Variants in ZNF22 observed in about 807,000 individuals in gnomAD.
ZNF22 encodes zinc finger protein 22.
In ZNF22, 15 loss-of-function variants were observed where a neutral mutation model predicts 17.0. That is an observed-to-expected ratio of 0.88 (90% CI 0.59 to 1.36). ZNF22 has a LOEUF of 1.36. ZNF22 is among the 40% of genes most tolerant of loss of function. The probability of loss-of-function intolerance (pLI) is 0.00; values close to 1 mark genes in which losing one functional copy is unlikely to be tolerated. For synonymous variants in ZNF22, 84 were observed against 90.7 expected (o/e 0.93, Z 0.42); for missense variants, 272 against 276.1 (o/e 0.98, Z 0.11).
In ZNF22 at chr10:45,001,602, A is replaced by G. The variant is rs547181181; in HGVS notation, c.-90+624A>G. 5.6e-4 allele frequency among the ~76,000 whole-genome samples: 86 copies of G among 152,316 alleles called. 1 individual carries two copies. In the South Asian group the frequency reaches 0.018, roughly 32 times the overall value. On this transcript the variant is annotated intron_variant, in intron 1 of 1. Transcript: ENST00000298299. ...CTGAGCAATGGAAGATGTGGCTGCC[A>G]CTAAGAGTACAGGCTCTGGAGTCAA...
At position 45,001,050 on chromosome 10, in the gene ZNF22, G is replaced by A. The variant is rs140805641; in HGVS notation, c.-90+72G>A. 1,135 of 197,820 alleles carry A rather than the reference G, an allele frequency of 5.7e-3. 5 individuals carry two copies. Among genetic ancestry groups the A allele is most frequent in the Non-Finnish European group, 9.4e-3 (1,011 of 107,256 alleles). 12.3% of individuals were successfully genotyped at this position (197,820 alleles called of 1,614,324 possible). On this transcript the variant is annotated intron_variant, in intron 1 of 1. Transcript: ENST00000298299. The stretch of plus-strand genomic sequence containing the variant: ...ACTCGGGTCCGCTCGGGAGCGCGCT[G>A]GCCGCAACGAGGGCGGCGCGGGCCC...
In ZNF22 at chr10:45,003,280, A is replaced by G. The variant is rs954852804; in HGVS notation, c.-89A>G. On this transcript the variant is annotated splice_region_variant and 5_prime_UTR_variant, in exon 2 of 2. Coordinates refer to ENST00000298299, the MANE Select transcript of ZNF22 (RefSeq NM_006963.5). ...AAATTTTTTTTCCTTCTACACACAG[A>G]AAATTCTGAGCTGTACACCTCTAGG... 7.5e-7 allele frequency: 1 copy of G among 1,333,538 alleles called. No individual in the cohort carries two copies. Among genetic ancestry groups the G allele is most frequent in the Non-Finnish European group, 1.0e-6 (1 of 993,196 alleles). 82.6% of individuals were successfully genotyped at this position (1,333,538 alleles called of 1,614,324 possible).
At position 45,003,436 on chromosome 10, in the gene ZNF22, A is replaced by G. The variant is rs367887787; in HGVS notation, c.68A>G (p.Lys23Arg). The change falls in exon 2 of 2, where the codon AAG becomes AGG. Residue 23 changes from lysine to arginine, a missense_variant. By Grantham distance (26) the Lys-to-Arg change is conservative. Transcript: ENST00000298299. Reference sequence around the variant, plus strand: ...AGCCAAGGAAAGGCCTATGAGAACAAGCGCAAAACAGGCCGGCAGCGGCAG... The same window carrying G: ...AGCCAAGGAAAGGCCTATGAGAACAGGCGCAAAACAGGCCGGCAGCGGCAG... ...SSSQGKAYENKRKTGRQRQKW... is the reference protein window; with the variant it reads ...SSSQGKAYENRRKTGRQRQKW... 6.2e-7 allele frequency: 1 copy of G among 1,614,064 alleles called. No individual in the cohort carries two copies. The highest frequency in any genetic ancestry group is 1.7e-5 in the Admixed American group (1 of 59,998).
In ZNF22 at chr10:45,003,624, G is replaced by A. The variant is rs1842351349; in HGVS notation, c.256G>A (p.Ala86Thr). Residue 86 changes from alanine (A) to threonine (T), a missense_variant, in exon 2 of 2, where the codon GCT (alanine) becomes ACT (threonine). Ala to Thr is a moderately conservative substitution (Grantham distance 58). Coordinates refer to ENST00000298299, the MANE Select transcript of ZNF22 (RefSeq NM_006963.5). ...TACTGGAAAGAAATCCCATAAATGTGCTGATTGTGGGAAAAGTTTCTTTCA... is the reference window on the plus strand; with the variant it reads ...TACTGGAAAGAAATCCCATAAATGTACTGATTGTGGGAAAAGTTTCTTTCA... ...IHTGKKSHKCADCGKSFFQSS... is the reference protein window; with the variant it reads ...IHTGKKSHKCTDCGKSFFQSS... The A allele has an allele frequency of 6.2e-7, 1 of 1,614,192 alleles. No homozygotes were observed. Among genetic ancestry groups the A allele is most frequent in the Non-Finnish European group, 8.5e-7 (1 of 1,180,050 alleles).
chr10:45,001,385 G>C (rs762651949), intron 1 of ZNF22, among the ~76,000 whole-genome samples: 3 of 152,356 alleles, frequency 2.0e-5, no homozygotes, highest in South Asian at 4.1e-4. Flanking sequence ...GCGGTTTTCA[G>C]ATTCAGACTC....
Position 45,004,225 on chromosome 10 carries a change from T to G in ZNF22, c.*182T>G. The G allele has an allele frequency of 1.6e-6, 1 of 622,824 alleles. No homozygotes were observed. The highest frequency in any genetic ancestry group is 2.6e-6 in the Non-Finnish European group (1 of 378,282). 38.6% of individuals were successfully genotyped at this position (622,824 alleles called of 1,614,324 possible). A position where few individuals can be genotyped will look rare whatever the true frequency, so the allele number is the denominator to read the frequency against. On this transcript the variant is annotated 3_prime_UTR_variant, in exon 2 of 2. Coordinates refer to ENST00000298299, the MANE Select transcript of ZNF22 (RefSeq NM_006963.5). Reference sequence around the variant, plus strand: ...ATTGAGCTGAAAGAAATTACATGAGTCCAGCTACCCTCATTTCTTTTTTAT... The same window carrying G: ...ATTGAGCTGAAAGAAATTACATGAGGCCAGCTACCCTCATTTCTTTTTTAT...
intron 1 of ZNF22, among the ~76,000 whole-genome samples, chr10:45,001,183 C>T (rs1342279397): frequency 1.3e-5 from 2 of 150,206 alleles, no homozygotes; most frequent in East Asian, 3.9e-4. Flanking sequence ...GCGCGGCGGG[C>T]GGGCCGGGTC....
rs1842359246 is a variant in ZNF22, at chr10:45,004,546, ACT to A, written c.*506_*507del. On this transcript the variant is annotated 3_prime_UTR_variant, in exon 2 of 2. Transcript: ENST00000298299. ...GTAGTATATTAACCATTGGTTTATC[ACT>A]CTAGATTCAACATATTAAAATGTAT... 5.9e-6 allele frequency: 1 copy of A among 168,372 alleles called. No individual in the cohort carries two copies. Among genetic ancestry groups the A allele is most frequent in the African/African-American group, 2.4e-5 (1 of 41,454 alleles). 10.4% of individuals were successfully genotyped at this position (168,372 alleles called of 1,614,324 possible).
intron 1 of ZNF22, 87 bp downstream of exon 1, chr10:45,001,065 G>A (rs1448508799): frequency 5.7e-6 from 1 of 174,360 alleles, no homozygotes; most frequent in East Asian, 1.9e-4. Context: ...CAACGAGGGC[G>A]GCGCGGGCCC....
intron 1 of ZNF22, chr10:45,002,521 T>A (rs1389904671): frequency 6.6e-6 from 1 of 152,268 alleles, no homozygotes; most frequent in East Asian, 1.9e-4. Context: ...GTAAAAGTTC[T>A]TTTGCAGTTT....
At chr10:45,002,606 A>T (rs1014231593) in intron 1 of ZNF22, 1 of 152,220 alleles carries the variant, frequency 6.6e-6, no homozygotes, top group Non-Finnish European at 1.5e-5. Context: ...GATCTATAAA[A>T]ACCAATAATA....
In ZNF22 at chr10:45,003,675, C is replaced by T; in HGVS notation, c.307C>T (p.Arg103Trp). 6.2e-7 allele frequency: 1 copy of T among 1,614,194 alleles called. No individual in the cohort carries two copies. Among genetic ancestry groups the T allele is most frequent in the Non-Finnish European group, 8.5e-7 (1 of 1,180,052 alleles). ...FQSSNLIQHR[R>W]IHTGEKPYKC... ...GAGTTCTAATCTCATTCAGCATCGA[C>T]GGATCCATACGGGGGAAAAGCCCTA... The change falls in exon 2 of 2, where the codon CGG (arginine) becomes TGG (tryptophan). Residue 103 changes from arginine (R) to tryptophan (W), a missense_variant. Physicochemically the swap from Arg to Trp is moderately radical, Grantham distance 101 (BLOSUM62 -3). Transcript: ENST00000298299.
chr10:45,002,460 C>G (rs1795820392), intron 1 of ZNF22: 2 of 152,204 alleles, frequency 1.3e-5, no homozygotes, highest in Non-Finnish European at 2.9e-5. Flanking sequence ...CTCTCCTTTT[C>G]TTGTGTCCTA....
chr10:45,001,393 C>T (rs1334660342), intron 1 of ZNF22, among the ~76,000 whole-genome samples: 1 of 152,240 alleles, frequency 6.6e-6, no homozygotes, highest in African/African-American at 2.4e-5. Flanking sequence ...CAGATTCAGA[C>T]TCATTGCAAC....
rs986052283 is a variant in ZNF22, at chr10:45,004,610, A to G, written c.*567A>G. The G allele has an allele frequency of 1.2e-5, 2 of 166,252 alleles. No individual in the cohort carries two copies. The highest frequency in any genetic ancestry group is 2.9e-5 in the Non-Finnish European group (2 of 67,948). 10.3% of individuals were successfully genotyped at this position (166,252 alleles called of 1,614,324 possible). A position where few individuals can be genotyped will look rare whatever the true frequency, so the allele number is the denominator to read the frequency against. ...GATTTTTAATCAGTAAGGCCTATCT[A>G]TATTAGTTGTCTTTTATTTCTTCTC... On this transcript the variant is annotated 3_prime_UTR_variant, in exon 2 of 2. Transcript: ENST00000298299.
At position 45,005,263 on chromosome 10, in the gene ZNF22, T is replaced by C. The variant is rs1588862090; in HGVS notation, c.*1220T>C. On this transcript the variant is annotated 3_prime_UTR_variant, in exon 2 of 2. Transcript: ENST00000298299. ...TTTTTTGGTATCTTTTATAATCATATCGGTTTCTGCTGTATTAATGACAAT... is the reference window on the plus strand; with the variant it reads ...TTTTTTGGTATCTTTTATAATCATACCGGTTTCTGCTGTATTAATGACAAT... 1.2e-5 allele frequency: 2 copies of C among 164,614 alleles called. No individual in the cohort carries two copies. Among genetic ancestry groups the C allele is most frequent in the Non-Finnish European group, 1.5e-5 (1 of 68,106 alleles). The allele number at this position is 164,614 out of a possible 1,614,324, so 10.2% of individuals were successfully genotyped here. A position where few individuals can be genotyped will look rare whatever the true frequency, so the allele number is the denominator to read the frequency against.
rs1842364749 is a variant in ZNF22 at position 45,005,280 on chromosome 10, A to C, written c.*1237A>C. 1.2e-5 allele frequency: 2 copies of C among 163,194 alleles called. No individual in the cohort carries two copies. Among genetic ancestry groups the C allele is most frequent in the Admixed American group, 1.3e-4 (2 of 15,298 alleles). 10.1% of individuals were successfully genotyped at this position (163,194 alleles called of 1,614,324 possible). A position where few individuals can be genotyped will look rare whatever the true frequency, so the allele number is the denominator to read the frequency against. On this transcript the variant is annotated 3_prime_UTR_variant, in exon 2 of 2. Transcript: ENST00000298299. ...TAATCATATCGGTTTCTGCTGTATT[A>C]ATGACAATTATTCATGAAAATAAAA...
Position 45,005,072 on chromosome 10 carries a change from T to A in ZNF22, c.*1029T>A, listed in dbSNP as rs1313666520. On this transcript the variant is annotated 3_prime_UTR_variant, in exon 2 of 2. Coordinates refer to ENST00000298299, the MANE Select transcript of ZNF22 (RefSeq NM_006963.5). Reference sequence around the variant, plus strand: ...AACAACAAGAGTCGTAATGTGTCAGTACATTGTAGCTCCTTTGAAATTTAA... The same window carrying A: ...AACAACAAGAGTCGTAATGTGTCAGAACATTGTAGCTCCTTTGAAATTTAA... 1 of 166,996 alleles carries A rather than the reference T, an allele frequency of 6.0e-6. No homozygotes were observed. The allele number at this position is 166,996 out of a possible 1,614,324, so 10.3% of individuals were successfully genotyped here.
At position 45,001,281 on chromosome 10, in the gene ZNF22, C is replaced by T. The variant is rs979468362; in HGVS notation, c.-90+303C>T. 3.8e-4 allele frequency among the ~76,000 whole-genome samples: 58 copies of T among 151,890 alleles called. 5 individuals are homozygous for T. Among genetic ancestry groups the T allele is most frequent in the Admixed American group, 2.9e-3 (44 of 15,278 alleles). ...GCGGCCCGCGGCGGGTGGAACTGGG[C>T]GGGTGAGCAGCAGCCCCGGCCCCTT... is the stretch of plus-strand genomic sequence containing the variant. On this transcript the variant is annotated intron_variant, in intron 1 of 1. Coordinates refer to ENST00000298299, the MANE Select transcript of ZNF22 (RefSeq NM_006963.5).
Sources: gnomAD v4.1 joint callset for allele counts (sites outside exome capture counted in the v4.1 genomes callset) on GRCh38, gnomAD v4.1.1 for gene constraint, MANE v1.5 for transcripts, NCBI Gene and HGNC (gene_info 2026-07-23, HGNC 2026-07-21) for gene names.